The following MOSMO variants were observed in gnomAD, a reference collection of about 807,000 sequenced individuals.
The protein encoded by MOSMO is modulator of smoothened, also known as modulator of smoothened protein.
MOSMO carries 5 observed loss-of-function variants against 18.4 expected under a neutral mutation model. The observed-to-expected ratio is 0.27, with a 90% CI of 0.14 to 0.57. MOSMO has a LOEUF of 0.57. MOSMO is among the 20% of genes least tolerant of loss of function. The pLI is 0.92. For synonymous variants in MOSMO, 82 were observed against 82.3 expected, an observed-to-expected ratio of 1.00 and a Z score of 0.02; for missense variants, 138 against 211.8, an observed-to-expected ratio of 0.65 and a Z score of 2.16.
chr16:22,087,864 T>A (rs1192206764), downstream of MOSMO, among the ~76,000 whole-genome samples: 1 of 152,212 alleles, frequency 6.6e-6, no homozygotes, highest in Non-Finnish European at 1.5e-5. Context: ...TACAATAACA[T>A]GTATCTGTAG....
intron 1 of MOSMO, among the ~76,000 whole-genome samples, chr16:22,011,660 G>C (rs368178564): frequency 2.6e-5 from 4 of 151,924 alleles, no homozygotes; most frequent in African/African-American, 9.7e-5. Flanking sequence ...ATGTGGGATC[G>C]AGGAAGTGAT....
chr16:22,022,367 T>C (rs1308127780), intron 1 of MOSMO, among the ~76,000 whole-genome samples: 1 of 152,160 alleles, frequency 6.6e-6, no homozygotes, highest in African/African-American at 2.4e-5. Context: ...ATGCCCCTGA[T>C]ACCTGGATTG....
chr16:22,027,383 A>G (rs1899897226), intron 1 of MOSMO, among the ~76,000 whole-genome samples: 1 of 152,220 alleles, frequency 6.6e-6, no homozygotes, highest in Non-Finnish European at 1.5e-5. Flanking sequence ...ATTCCTACAT[A>G]GTAAACTTTG....
chr16:22,075,119 G>A (rs1235405629), intron 1 of MOSMO, among the ~76,000 whole-genome samples: 1 of 152,078 alleles, frequency 6.6e-6, no homozygotes, highest in Non-Finnish European at 1.5e-5. Context: ...AAAAATACCA[G>A]TTCTTTCTGC....
intron 1 of MOSMO, among the ~76,000 whole-genome samples, chr16:22,024,755 C>T (rs768083597): frequency 6.6e-6 from 1 of 152,108 alleles, no homozygotes; most frequent in Non-Finnish European, 1.5e-5. Context: ...AGTTTTATGG[C>T]TCCTATTTAT....
intron 1 of MOSMO, among the ~76,000 whole-genome samples, chr16:22,055,618 CCTT>C (rs768669006): frequency 9.7e-4 from 147 of 152,306 alleles, no homozygotes; most frequent in Middle Eastern, 3.4e-3. Context: ...CAGAATCACT[CCTT>C]CTTTATGATG....
At chr16:22,039,212 T>TA (rs953025079) in intron 1 of MOSMO, among the ~76,000 whole-genome samples, 1 of 152,218 alleles carries the variant, frequency 6.6e-6, no homozygotes, top group African/African-American at 2.4e-5. Flanking sequence ...GTGAACTCCT[T>TA]AACGCATAGT....
intron 1 of MOSMO, among the ~76,000 whole-genome samples, chr16:22,033,451 G>A (rs1015593377): frequency 6.6e-6 from 1 of 151,782 alleles, no homozygotes; most frequent in Non-Finnish European, 1.5e-5. Context: ...GCAGTGGCAC[G>A]CTCTTGGCTC....
chr16:22,041,874 G>T (rs912622441), intron 1 of MOSMO, among the ~76,000 whole-genome samples: 4 of 151,926 alleles, frequency 2.6e-5, no homozygotes, highest in African/African-American at 9.7e-5. Context: ...TAGAGACAAG[G>T]TCTCACTATG....
rs973413222 is a variant in MOSMO, at chr16:22,083,873, TC to T, written c.*2995del. ...TCAGTATGATTCTTTCCAAAGGTAA[TC>T]CATGTTCTATGTTGTTAATGTGTGT... is the stretch of plus-strand genomic sequence containing the variant. On this transcript the variant is annotated 3_prime_UTR_variant, in exon 3 of 3. Transcript: ENST00000542527. 8.6e-6 allele frequency: 3 copies of T among 347,318 alleles called. No individual in the cohort carries two copies. Among genetic ancestry groups the T allele is most frequent in the African/African-American group, 6.5e-5 (3 of 46,250 alleles). 21.5% of individuals were successfully genotyped at this position (347,318 alleles called of 1,614,324 possible).
At chr16:22,064,323 CAT>C (rs1402217216) in intron 1 of MOSMO, 1 of 456,418 alleles carries the variant, frequency 2.2e-6, no homozygotes, top group South Asian at 1.5e-5. Context: ...ATTTAACTTT[CAT>C]TCTCTTTACC....
At chr16:22,026,257 C>T (rs1187441171) in intron 1 of MOSMO, among the ~76,000 whole-genome samples, 8 of 139,568 alleles carry the variant, frequency 5.7e-5, no homozygotes, top group East Asian at 2.1e-4. Flanking sequence ...CTCACTCTGT[C>T]GCCCAGGCTG....
intron 1 of MOSMO, among the ~76,000 whole-genome samples, chr16:22,032,394 G>A (rs1163091086): frequency 6.6e-6 from 1 of 152,052 alleles, no homozygotes; most frequent in Non-Finnish European, 1.5e-5. Flanking sequence ...TTTTTGCCAT[G>A]TTGGCCAGGC....
At chr16:22,028,034 A>C (rs1202749396) in intron 1 of MOSMO, among the ~76,000 whole-genome samples, 3 of 152,192 alleles carry the variant, frequency 2.0e-5, no homozygotes, top group Non-Finnish European at 2.9e-5. Context: ...TATTGGTGTC[A>C]GTTCTCTTCC....
chr16:22,035,396 A>AT (rs1160059034), intron 1 of MOSMO, among the ~76,000 whole-genome samples: 27,511 of 133,346 alleles, frequency 0.21, 3,460 homozygotes, highest in East Asian at 0.52. Flanking sequence ...GCAGGAGGGG[A>AT]TTTTTTTTTT....
In MOSMO at chr16:22,008,180, G is replaced by A. The variant is rs1041017557; in HGVS notation, c.-122G>A. ...CGCGGAGGGCGCGAGCGGCGCGCGG[G>A]GGCCGAGGGGGCGCGAGGCAGCGGC... On this transcript the variant is annotated 5_prime_UTR_variant, in exon 1 of 3. Transcript: ENST00000542527. 2 of 246,464 alleles carry A rather than the reference G, an allele frequency of 8.1e-6. No homozygotes were observed. The highest frequency in any genetic ancestry group is 1.3e-5 in the Non-Finnish European group (2 of 150,222). 15.3% of individuals were successfully genotyped at this position (246,464 alleles called of 1,614,324 possible).
At chr16:22,038,677 A>G (rs772198759) in intron 1 of MOSMO, among the ~76,000 whole-genome samples, 7 of 152,180 alleles carry the variant, frequency 4.6e-5, no homozygotes, top group Non-Finnish European at 8.8e-5. Flanking sequence ...TGAAAAGAGT[A>G]TATATTTTAA....
At chr16:22,090,027 G>A (rs541630325), downstream of MOSMO, 7 of 151,976 alleles carry the variant, frequency 4.6e-5, no homozygotes, top group South Asian at 8.3e-4. Flanking sequence ...TCCTACCTTC[G>A]GGCCATGTGG....
Position 22,010,467 on chromosome 16 carries a change from G to T in MOSMO, c.106+2060G>T, listed in dbSNP as rs569462726. Among the ~76,000 whole-genome samples, 13 of 152,222 alleles carry T rather than the reference G, an allele frequency of 8.5e-5. No homozygotes were observed. In the East Asian group the frequency reaches 2.5e-3, roughly 29 times the overall value. ...ACGTACTTAGGGGAAAAGGGGTTTC[G>T]GTGCTGTAGCAGAAGGAATCTTTTT... is the stretch of plus-strand genomic sequence containing the variant. On this transcript the variant is annotated intron_variant, in intron 1 of 2. Coordinates refer to ENST00000542527, the MANE Select transcript of MOSMO (RefSeq NM_001164579.2).
Sources: allele counts gnomAD v4.1 joint callset (sites outside exome capture counted in the v4.1 genomes callset), GRCh38; gene constraint gnomAD v4.1.1; transcripts MANE v1.5; gene names NCBI Gene and HGNC (gene_info 2026-07-23, HGNC 2026-07-21).